The following DNAAF10 variants were observed in gnomAD, a reference collection of about 807,000 sequenced individuals.
DNAAF10 encodes the protein WD repeat domain 92.
A neutral mutation model predicts 43.7 loss-of-function variants in DNAAF10; 28 were observed. That is an observed-to-expected ratio of 0.64 (90% CI 0.48 to 0.88). The LOEUF (loss-of-function observed/expected upper bound fraction) is 0.88. DNAAF10 is among the 40% of genes least tolerant of loss of function. The probability of loss-of-function intolerance (pLI) is 0.00; values close to 1 mark genes in which losing one functional copy is unlikely to be tolerated. For synonymous variants in DNAAF10, 156 were observed against 157.3 expected (o/e 0.99, Z 0.06); for missense variants, 403 against 439.1 (o/e 0.92, Z 0.73).
At chr2:68,134,854 G>A (rs1673002918) in intron 6 of DNAAF10, 55 bp from the exon 7 acceptor site, 1 of 1,585,550 alleles carries the variant, frequency 6.3e-7, no homozygotes, top group Non-Finnish European at 8.6e-7. Context: ...TGCCCTGGAA[G>A]AGAAACGCTG....
chr2:68,135,085 GA>G (rs1673009195), intron 6 of DNAAF10, among the ~76,000 whole-genome samples: 1 of 152,020 alleles, frequency 6.6e-6, no homozygotes, highest in African/African-American at 2.4e-5. Context: ...AAATACTTAT[GA>G]AAATAGATTT....
In DNAAF10 at chr2:68,137,291, A is replaced by G. The variant is rs554827661; in HGVS notation, c.768+8T>C. Reference sequence around the variant, plus strand: ...TTCTTCATAGAAAGACATTTCCCTCATATTTACCTTTTCTGAAACAGAGGC... The same window carrying G: ...TTCTTCATAGAAAGACATTTCCCTCGTATTTACCTTTTCTGAAACAGAGGC... On this transcript the variant is annotated splice_region_variant and intron_variant, in intron 6 of 7. Transcript: ENST00000295121. 1 of 1,607,062 alleles carries G rather than the reference A, an allele frequency of 6.2e-7. No homozygotes were observed. The highest frequency in any genetic ancestry group is 1.7e-5 in the Admixed American group (1 of 58,576).
At chr2:68,134,479 A>C in intron 7 of DNAAF10, 1 of 1,332,794 alleles carries the variant, frequency 7.5e-7, no homozygotes, top group Non-Finnish European at 9.6e-7. Context: ...AACTAAAATG[A>C]TATACTAAAA....
Position 68,144,729 on chromosome 2 carries a change from A to G in DNAAF10, c.285-14T>C, listed in dbSNP as rs1673273968. 6.2e-7 allele frequency: 1 copy of G among 1,604,806 alleles called. No individual in the cohort carries two copies. Among genetic ancestry groups the G allele is most frequent in the Admixed American group, 1.8e-5 (1 of 56,778 alleles). The stretch of plus-strand genomic sequence containing the variant: ...GCTTCTAAATTCCTAAACAACAAAC[A>G]CAGCTTCTTACACCACATATCCCAA... On this transcript the variant is annotated splice_polypyrimidine_tract_variant and intron_variant, in intron 2 of 7. Transcript: ENST00000295121.
At position 68,130,127 on chromosome 2, in the gene DNAAF10, T is replaced by TATATAC. The variant is rs1294177417; in HGVS notation, c.*1110_*1111insGTATAT. On this transcript the variant is annotated 3_prime_UTR_variant, in exon 8 of 8. Coordinates refer to ENST00000295121, the MANE Select transcript of DNAAF10 (RefSeq NM_138458.4). The stretch of plus-strand genomic sequence containing the variant: ...TTTGAGAGAGAGAGATATATATATA[T>TATATAC]ATATTTGTTTTTTTTTTTTTTGAGA... The TATATAC allele has an allele frequency of 7.1e-6, 1 of 140,078 alleles. No homozygotes were observed. The highest frequency in any genetic ancestry group is 1.5e-5 in the Non-Finnish European group (1 of 64,868). The allele number at this position is 140,078 out of a possible 1,614,324, so 8.7% of individuals were successfully genotyped here.
intron 4 of DNAAF10, 73 bp from the exon 5 acceptor site, chr2:68,138,930 T>C (rs1171519786): frequency 3.8e-6 from 4 of 1,039,922 alleles, no homozygotes; most frequent in Non-Finnish European, 4.4e-6. Context: ...AAAAGTCTTA[T>C]GAAACTAACA....
At chr2:68,147,315 ATATATAT>A in intron 2 of DNAAF10, 145 bp downstream of exon 2, 1 of 540,770 alleles carries the variant, frequency 1.8e-6, no homozygotes, top group South Asian at 2.6e-5. Flanking sequence ...AAATCTAGAA[ATATATAT>A]TAGAGACAAT....
intron 2 of DNAAF10, among the ~76,000 whole-genome samples, chr2:68,145,291 T>C (rs749512848): frequency 6.6e-6 from 1 of 152,020 alleles, no homozygotes; most frequent in African/African-American, 2.4e-5. Context: ...GACAGTTTTT[T>C]TCAATTCTGG....
chr2:68,157,484 G>T lies in DNAAF10; in HGVS notation c.-41C>A, dbSNP rs990335289. 6.2e-7 allele frequency: 1 copy of T among 1,613,936 alleles called. No homozygotes were observed. The highest frequency in any genetic ancestry group is 8.5e-7 in the Non-Finnish European group (1 of 1,179,962). ...AGCTACGGCAACCGCCACACCCAGA[G>T]CCCCCAAAAACGGCAACCTGGAAAC... On this transcript the variant is annotated 5_prime_UTR_variant, in exon 1 of 8. Coordinates refer to ENST00000295121, the MANE Select transcript of DNAAF10 (RefSeq NM_138458.4).
intron 1 of DNAAF10, among the ~76,000 whole-genome samples, chr2:68,151,287 T>C (rs915828363): frequency 6.6e-6 from 1 of 152,186 alleles, no homozygotes; most frequent in African/African-American, 2.4e-5. Flanking sequence ...TTCTTCATAC[T>C]TGTCAAGGTC....
chr2:68,150,118 A>G (rs890385500), intron 1 of DNAAF10, among the ~76,000 whole-genome samples: 4 of 152,136 alleles, frequency 2.6e-5, no homozygotes, highest in African/African-American at 9.7e-5. Flanking sequence ...TAGGCCATGG[A>G]AGAGGTAAAA....
At chr2:68,150,221 A>C (rs572726903) in intron 1 of DNAAF10, among the ~76,000 whole-genome samples, 1 of 152,328 alleles carries the variant, frequency 6.6e-6, no homozygotes, top group African/African-American at 2.4e-5. Context: ...CCTCCCTGTT[A>C]TTCTTTTACC....
rs148486433 is a variant in DNAAF10, at chr2:68,138,751, G to T, written c.624C>A (p.Ile208=). The change falls in exon 5 of 8, where the codon ATC becomes ATA. Residue 208 remains isoleucine, a synonymous_variant. Transcript: ENST00000295121. ...TCAGAATGTACTTTACCCCATTTTT[G>T]ATGTTTGTCTCCCACCGTAATGCCA... ...RNMALRWETN[I]KNGVCSLEFD... 7 of 1,611,474 alleles carry T rather than the reference G, an allele frequency of 4.3e-6. No homozygotes were observed. In the African/African-American group the frequency reaches 5.4e-5, roughly 12 times the overall value.
chr2:68,153,345 T>TAAAAAAAAAAA (rs775794947), intron 1 of DNAAF10, among the ~76,000 whole-genome samples: 3 of 98,750 alleles, frequency 3.0e-5, no homozygotes, highest in African/African-American at 7.2e-5. Context: ...AGTGATAAAT[T>TAAAAAAAAAAA]AAAAAAAAAA....
chr2:68,156,383 C>A (rs1014964493), intron 1 of DNAAF10, among the ~76,000 whole-genome samples: 4 of 152,128 alleles, frequency 2.6e-5, no homozygotes, highest in Admixed American at 2.0e-4. Context: ...TAGTCTATTA[C>A]AACCCTGATC....
At position 68,157,283 on chromosome 2, in the gene DNAAF10, C is replaced by T. The variant is rs1389184548; in HGVS notation, c.161G>A (p.Gly54Glu). ...CACCTCCCGAAGCAGCTTCAGGTCC[C>T]CGTGCTGGATCTCGTACAGCTGAAT... ...GVIQLYEIQH[G>E]DLKLLREIEK... Residue 54 changes from glycine to glutamate, a missense_variant, in exon 1 of 8, where the codon GGG (glycine) becomes GAG (glutamate). Transcript: ENST00000295121. 1 of 1,613,946 alleles carries T rather than the reference C, an allele frequency of 6.2e-7. No individual in the cohort carries two copies. The highest frequency in any genetic ancestry group is 1.7e-5 in the Admixed American group (1 of 60,008).
intron 1 of DNAAF10, among the ~76,000 whole-genome samples, chr2:68,154,413 A>T (rs1392047855): frequency 1.3e-5 from 2 of 151,294 alleles, no homozygotes; most frequent in Non-Finnish European, 2.9e-5. Flanking sequence ...CGCCCGGCTG[A>T]TTTTTTGTAT....
In DNAAF10 at chr2:68,157,290, G is replaced by A. The variant is rs1230205022; in HGVS notation, c.154C>T (p.Gln52Ter). The A allele has an allele frequency of 6.8e-6, 11 of 1,614,074 alleles. No individual in the cohort carries two copies. Among genetic ancestry groups the A allele is most frequent in the Non-Finnish European group, 9.3e-6 (11 of 1,179,980 alleles). The change falls in exon 1 of 8, where the codon CAG becomes TAG. Residue 52 changes from glutamine to a stop codon, truncating the protein, a stop_gained. Coordinates refer to ENST00000295121, the MANE Select transcript of DNAAF10 (RefSeq NM_138458.4). LOFTEE classifies it high-confidence loss of function. ...CGAAGCAGCTTCAGGTCCCCGTGCT[G>A]GATCTCGTACAGCTGAATGACGCCG... ...GTGVIQLYEIQHGDLKLLREI... is the reference protein window; with the variant it reads ...GTGVIQLYEI
At chr2:68,152,855 C>T (rs1053218859) in intron 1 of DNAAF10, among the ~76,000 whole-genome samples, 2 of 152,146 alleles carry the variant, frequency 1.3e-5, no homozygotes, top group Non-Finnish European at 2.9e-5. Flanking sequence ...TACAGCTTGT[C>T]AGTATTTCCT....
Sources: gnomAD v4.1 joint callset for allele counts (sites outside exome capture counted in the v4.1 genomes callset) on GRCh38, gnomAD v4.1.1 for gene constraint, MANE v1.5 for transcripts, NCBI Gene and HGNC (gene_info 2026-07-23, HGNC 2026-07-21) for gene names.